PXDC1: variants seen among roughly 807,000 people sequenced by gnomAD.
PXDC1 encodes the protein PX domain containing 1.
PXDC1 carries 13 observed loss-of-function variants against 24.4 expected under a neutral mutation model. That is an observed-to-expected ratio of 0.53 (90% confidence interval 0.35 to 0.85). The LOEUF (loss-of-function observed/expected upper bound fraction) is 0.85, where lower values mean the gene tolerates loss of function less well. Among genes scored for constraint, PXDC1 ranks in the 40% least tolerant of loss-of-function variants. The pLI is 0.01. For synonymous variants in PXDC1, 162 were observed against 124.9 expected (o/e 1.30, Z -1.98); for missense variants, 344 against 309.3 (o/e 1.11, Z -0.84).
chr6:3,727,706 G>A (rs751248362), intron 3 of PXDC1, 44 bp from the exon 4 acceptor site: 1 of 1,363,700 alleles, frequency 7.3e-7, no homozygotes, highest in South Asian at 1.2e-5. Flanking sequence ...AGGGGTCGGA[G>A]CTTGAGGTTT....
chr6:3,730,037 C>G (rs1760159941), intron 3 of PXDC1, among the ~76,000 whole-genome samples: 1 of 152,238 alleles, frequency 6.6e-6, no homozygotes, highest in Non-Finnish European at 1.5e-5. Flanking sequence ...CAAGGAGCCT[C>G]ATGCACATAC....
At chr6:3,741,912 C>T (rs1760457114) in intron 1 of PXDC1, among the ~76,000 whole-genome samples, 1 of 143,176 alleles carries the variant, frequency 7.0e-6, no homozygotes, top group Non-Finnish European at 1.6e-5. Flanking sequence ...GGAAGGAAAA[C>T]ACTTTTTAAA....
chr6:3,737,684 G>C lies in PXDC1; in HGVS notation c.348+373C>G. On this transcript the variant is annotated intron_variant, in intron 2 of 4. Transcript: ENST00000380283. The surrounding 1 kb of genome is among the most constrained non-coding windows in gnomAD (Gnocchi z 5.5). Reference sequence around the variant, plus strand: ...CTGTGCTGACGCCAACGTTCTTCTTGGTTTCCACGTGTCTGTTCTAAAATC... The same window carrying C: ...CTGTGCTGACGCCAACGTTCTTCTTCGTTTCCACGTGTCTGTTCTAAAATC... 3 of 985,426 alleles carry C rather than the reference G, an allele frequency of 3.0e-6. No individual in the cohort carries two copies. The highest frequency in any genetic ancestry group is 3.6e-6 in the Non-Finnish European group (3 of 829,922). The allele number at this position is 985,426 out of a possible 1,614,324, so 61.0% of individuals were successfully genotyped here.
In PXDC1 at chr6:3,751,695, GGGCGGCGC is replaced by G; in HGVS notation, c.-172_-165del. 1.9e-6 allele frequency: 2 copies of G among 1,078,068 alleles called. No homozygotes were observed. Among genetic ancestry groups the G allele is most frequent in the Non-Finnish European group, 1.2e-6 (1 of 855,604 alleles). The allele number at this position is 1,078,068 out of a possible 1,614,324, so 66.8% of individuals were successfully genotyped here. A position where few individuals can be genotyped will look rare whatever the true frequency, so the allele number is the denominator to read the frequency against. On this transcript the variant is annotated 5_prime_UTR_variant, in exon 1 of 5. Transcript: ENST00000380283. ...CGTATGGCCCGCGTTCGGGGCAGCG[GGGCGGCGC>G]GGCGGCGAGTGGCTCGGGCCGGCCG... is the stretch of plus-strand genomic sequence containing the variant.
rs529854799 is a variant in PXDC1 at position 3,749,260 on chromosome 6, C to G, written c.256+2016G>C. 2.0e-3 allele frequency among the ~76,000 whole-genome samples: 311 copies of G among 151,806 alleles called. 2 individuals are homozygous for G. The highest frequency in any genetic ancestry group is 1.7e-3 in the Non-Finnish European group (117 of 67,956). ...GCAGCTCCAACAGTTCCACGGTGTGCTGTGAGAAAGTCCTTTACACCCAGC... is the reference window on the plus strand; with the variant it reads ...GCAGCTCCAACAGTTCCACGGTGTGGTGTGAGAAAGTCCTTTACACCCAGC... On this transcript the variant is annotated intron_variant, in intron 1 of 4. Coordinates refer to ENST00000380283, the MANE Select transcript of PXDC1 (RefSeq NM_183373.4).
At chr6:3,750,080 AG>A (rs1040863117) in intron 1 of PXDC1, among the ~76,000 whole-genome samples, 13 of 152,248 alleles carry the variant, frequency 8.5e-5, no homozygotes, top group Admixed American at 5.2e-4. Flanking sequence ...CTTCTCGCTC[AG>A]GGCCCCAACT....
intron 3 of PXDC1, among the ~76,000 whole-genome samples, chr6:3,732,979 G>C (rs1357994279): frequency 2.0e-5 from 3 of 152,244 alleles, no homozygotes; most frequent in African/African-American, 7.2e-5. Context: ...ACCCTGCAGG[G>C]CCACAGTCCA....
intron 1 of PXDC1, among the ~76,000 whole-genome samples, chr6:3,749,410 G>A (rs1196421410): frequency 6.7e-6 from 1 of 150,038 alleles, no homozygotes; most frequent in African/African-American, 2.5e-5. Context: ...TTTTCTCCAC[G>A]GTAATCGCTC....
At chr6:3,743,343 A>G (rs1005997769) in intron 1 of PXDC1, among the ~76,000 whole-genome samples, 5 of 152,206 alleles carry the variant, frequency 3.3e-5, no homozygotes, top group Non-Finnish European at 5.9e-5. Flanking sequence ...AATGCTCTGC[A>G]AAGTGAGCTT....
At chr6:3,726,235 CT>C (rs1342263172) in intron 4 of PXDC1, among the ~76,000 whole-genome samples, 1 of 152,248 alleles carries the variant, frequency 6.6e-6, no homozygotes, top group African/African-American at 2.4e-5. Context: ...GTAACTACCC[CT>C]GCCAAGCTAA....
At chr6:3,745,132 C>T (rs1440671337) in intron 1 of PXDC1, among the ~76,000 whole-genome samples, 3 of 152,224 alleles carry the variant, frequency 2.0e-5, no homozygotes, top group Admixed American at 6.5e-5. Context: ...CACTGAAGTT[C>T]GGTGGTGACC....
intron 1 of PXDC1, among the ~76,000 whole-genome samples, chr6:3,750,874 C>T (rs1448724954): frequency 6.6e-6 from 1 of 152,144 alleles, no homozygotes; most frequent in Non-Finnish European, 1.5e-5. Context: ...TGCTCCCAGA[C>T]GCTTTCCCAG....
In PXDC1 at chr6:3,735,676, G is replaced by T. The variant is rs552557655; in HGVS notation, c.466+1403C>A. Among the ~76,000 whole-genome samples, 22 of 152,324 alleles carry T rather than the reference G, an allele frequency of 1.4e-4. No individual in the cohort carries two copies. The East Asian group carries it at 4.1e-3, about 28-fold the overall frequency. On this transcript the variant is annotated intron_variant, in intron 3 of 4. Coordinates refer to ENST00000380283, the MANE Select transcript of PXDC1 (RefSeq NM_183373.4). ...AGTGACAGTGGGAGGAATAAGCTCT[G>T]CTGTACTACTGCACAGTAAGGTGAC... is the stretch of plus-strand genomic sequence containing the variant.
In PXDC1 at chr6:3,751,458, C is replaced by T. The variant is rs773653374; in HGVS notation, c.74G>A (p.Arg25His). ...GCCGCGCCGGCTGACGATGAGCCTG[C>T]GGATGCCGTTCACCCAGCAGCCGCG... ...FVRGCWVNGI[R>H]RLIVSRRGDE... is the part of the protein sequence containing the mutation. The change falls in exon 1 of 5, where the codon CGC becomes CAC. Residue 25 changes from arginine (R) to histidine (H), a missense_variant. By Grantham distance (29) the Arg-to-His change is conservative. Coordinates refer to ENST00000380283, the MANE Select transcript of PXDC1 (RefSeq NM_183373.4). 9 of 1,601,754 alleles carry T rather than the reference C, an allele frequency of 5.6e-6. No individual in the cohort carries two copies. Among genetic ancestry groups the T allele is most frequent in the African/African-American group, 2.7e-5 (2 of 74,392 alleles).
intron 1 of PXDC1, among the ~76,000 whole-genome samples, chr6:3,746,378 AAG>A (rs1325999575): frequency 3.3e-5 from 5 of 152,182 alleles, no homozygotes; most frequent in African/African-American, 1.2e-4. Context: ...AGAAGGAAGA[AAG>A]AGGAAGAGGA....
In PXDC1 at chr6:3,725,231, C is replaced by T. The variant is rs577998682; in HGVS notation, c.579-1495G>A. The stretch of plus-strand genomic sequence containing the variant: ...CTCAAACAGTGTCCCACCACCTGCC[C>T]GTCCTCCCTGCCCAGATCACAGGAT... On this transcript the variant is annotated intron_variant, in intron 4 of 4. Coordinates refer to ENST00000380283, the MANE Select transcript of PXDC1 (RefSeq NM_183373.4). The surrounding 1 kb of genome is among the most constrained non-coding windows in gnomAD (Gnocchi z 4.8). Among the ~76,000 whole-genome samples the T allele has an allele frequency of 8.5e-5, 13 of 152,178 alleles. No individual in the cohort carries two copies. Among genetic ancestry groups the T allele is most frequent in the East Asian group, 1.9e-4 (1 of 5,188 alleles).
At position 3,723,021 on chromosome 6, in the gene PXDC1, G is replaced by T. The variant is rs913047168; in HGVS notation, c.*598C>A. 6.6e-6 allele frequency: 1 copy of T among 152,198 alleles called. No homozygotes were observed. Among genetic ancestry groups the T allele is most frequent in the African/African-American group, 2.4e-5 (1 of 41,356 alleles). 9.4% of individuals were successfully genotyped at this position (152,198 alleles called of 1,614,324 possible). A position where few individuals can be genotyped will look rare whatever the true frequency, so the allele number is the denominator to read the frequency against. On this transcript the variant is annotated 3_prime_UTR_variant, in exon 5 of 5. Transcript: ENST00000380283. ...GCAGCCAATACCCCCCACTGTGCTG[G>T]GCCTTCTGCAAATACTCCTGGGGTT...
intron 3 of PXDC1, among the ~76,000 whole-genome samples, chr6:3,727,941 T>A (rs144787931): frequency 6.6e-6 from 1 of 152,238 alleles, no homozygotes; most frequent in African/African-American, 2.4e-5. Context: ...CCCTTCGCTG[T>A]GGGCTTCAAG....
In PXDC1 at chr6:3,725,846, C is replaced by T. The variant is rs943055697; in HGVS notation, c.578+1705G>A. Among the ~76,000 whole-genome samples, 3 of 152,212 alleles carry T rather than the reference C, an allele frequency of 2.0e-5. No homozygotes were observed. The highest frequency in any genetic ancestry group is 4.4e-5 in the Non-Finnish European group (3 of 68,028). ...AGTCGGAACTCCCTCCAGATGCTCC[C>T]GAGCCCCATGGCGGCAGGCGTTTCT... On this transcript the variant is annotated intron_variant, in intron 4 of 4. Coordinates refer to ENST00000380283, the MANE Select transcript of PXDC1 (RefSeq NM_183373.4). This position sits in a 1 kb window ranked among gnomAD's most constrained non-coding sequence, Gnocchi z 4.8.
Sources: allele counts gnomAD v4.1 joint callset (sites outside exome capture counted in the v4.1 genomes callset), GRCh38; gene constraint gnomAD v4.1.1; non-coding constraint Gnocchi (gnomAD v3.1); transcripts MANE v1.5; gene names NCBI Gene and HGNC (gene_info 2026-07-23, HGNC 2026-07-21).